Variants in TOM1L2 observed in about 807,000 individuals in gnomAD.
TOM1L2 encodes TOM1-like protein 2.
A neutral mutation model predicts 67.9 loss-of-function variants in TOM1L2; 31 were observed. The ratio of observed to expected loss-of-function variants is 0.46; its 90% CI spans 0.34 to 0.62. The LOEUF (loss-of-function observed/expected upper bound fraction) is 0.62. Among genes scored for constraint, TOM1L2 ranks in the 20% least tolerant of loss-of-function variants. The probability of loss-of-function intolerance (pLI) is 0.01; values close to 1 mark genes in which losing one functional copy is unlikely to be tolerated. For missense variants in TOM1L2, 606 were observed against 663.5 expected, an observed-to-expected ratio of 0.91 and a Z score of 0.95; for synonymous variants, 256 against 254.0, an observed-to-expected ratio of 1.01 and a Z score of -0.07.
intron 10 of TOM1L2, among the ~76,000 whole-genome samples, chr17:17,865,155 G>A (rs1457330423): frequency 2.0e-5 from 3 of 152,202 alleles, no homozygotes; most frequent in Non-Finnish European, 4.4e-5. Flanking sequence ...GTGGAAAGTG[G>A]TGAGTTTCTT....
intron 7 of TOM1L2, 88 bp downstream of exon 7, chr17:17,879,539 T>TGCC: frequency 9.5e-7 from 1 of 1,049,358 alleles, no homozygotes; most frequent in Admixed American, 1.7e-5. Flanking sequence ...TGTCCCGCCT[T>TGCC]GCCGCTGTGT....
At chr17:17,926,075 G>A (rs1441929730) in intron 1 of TOM1L2, among the ~76,000 whole-genome samples, 3 of 151,730 alleles carry the variant, frequency 2.0e-5, no homozygotes, top group Admixed American at 6.6e-5. Context: ...ACAGGCTGAG[G>A]TGAGAGGATC....
chr17:17,906,652 G>A (rs1271377578), intron 2 of TOM1L2, among the ~76,000 whole-genome samples: 1 of 152,204 alleles, frequency 6.6e-6, no homozygotes, highest in East Asian at 1.9e-4. Flanking sequence ...GCACAAGGTA[G>A]TCATTCGAGA....
At chr17:17,914,539 C>T (rs2039547763) in intron 1 of TOM1L2, among the ~76,000 whole-genome samples, 1 of 152,216 alleles carries the variant, frequency 6.6e-6, no homozygotes, top group African/African-American at 2.4e-5. Context: ...GCCTATCTGG[C>T]TCTTAACCAT....
At chr17:17,884,575 C>T (rs1415644428) in intron 5 of TOM1L2, 59 bp downstream of exon 5, 2 of 1,605,498 alleles carry the variant, frequency 1.2e-6, no homozygotes, top group Admixed American at 3.3e-5. Flanking sequence ...GTGGCTGCAG[C>T]AGCTTGGCTC....
chr17:17,936,627 C>T (rs939434349), intron 1 of TOM1L2, among the ~76,000 whole-genome samples: 1 of 151,952 alleles, frequency 6.6e-6, no homozygotes, highest in Non-Finnish European at 1.5e-5. Flanking sequence ...ACATGAAATG[C>T]AATGTATTCA....
chr17:17,940,150 G>A (rs563879896), intron 1 of TOM1L2, among the ~76,000 whole-genome samples: 4 of 134,956 alleles, frequency 3.0e-5, no homozygotes, highest in South Asian at 4.5e-4. Context: ...CTGAGATCAC[G>A]CCTCTGCATT....
At chr17:17,910,356 T>A (rs1236030747) in intron 1 of TOM1L2, among the ~76,000 whole-genome samples, 1 of 152,166 alleles carries the variant, frequency 6.6e-6, no homozygotes, top group African/African-American at 2.4e-5. Context: ...TTCCACTGGG[T>A]CCCCAGTGCC....
At chr17:17,935,235 G>A (rs1339955874) in intron 1 of TOM1L2, among the ~76,000 whole-genome samples, 1 of 152,252 alleles carries the variant, frequency 6.6e-6, no homozygotes, top group Non-Finnish European at 1.5e-5. Flanking sequence ...TGGGGAGGCA[G>A]CTGAACTGTG....
intron 1 of TOM1L2, among the ~76,000 whole-genome samples, chr17:17,954,640 G>C (rs1347739204): frequency 1.3e-5 from 2 of 152,152 alleles, no homozygotes; most frequent in Non-Finnish European, 2.9e-5. Context: ...TAAAGGAGAT[G>C]GGGAGTTCCA....
chr17:17,891,477 C>T (rs2144184805), intron 4 of TOM1L2, among the ~76,000 whole-genome samples: 1 of 152,278 alleles, frequency 6.6e-6, no homozygotes, highest in Non-Finnish European at 1.5e-5. Context: ...GTGTGGGCCA[C>T]AGCCAGTGAA....
At position 17,955,532 on chromosome 17, in the gene TOM1L2, G is replaced by C. The variant is rs2041401147; in HGVS notation, c.52+16730C>G. ...TTTTTTGTATTTTTAGCAGAGACAG[G>C]GTTTCACCATATTGGCCAGGACAGT... On this transcript the variant is annotated intron_variant, in intron 1 of 14. Transcript: ENST00000379504. Among the ~76,000 whole-genome samples, 3 of 151,968 alleles carry C rather than the reference G, an allele frequency of 2.0e-5. 1 individual carries two copies. The highest frequency in any genetic ancestry group is 4.1e-4 in the South Asian group (2 of 4,820).
chr17:17,919,880 TTC>T (rs935797325), intron 1 of TOM1L2, among the ~76,000 whole-genome samples: 5 of 152,072 alleles, frequency 3.3e-5, no homozygotes, highest in Non-Finnish European at 7.4e-5. Flanking sequence ...GCCAGGAAGG[TTC>T]TCTCTCTCTA....
intron 4 of TOM1L2, among the ~76,000 whole-genome samples, chr17:17,885,222 G>A (rs1159016738): frequency 2.0e-5 from 3 of 152,272 alleles, no homozygotes; most frequent in Non-Finnish European, 2.9e-5. Flanking sequence ...TTGGGAACCG[G>A]CAACAAATTG....
chr17:17,965,760 C>G (rs2041850964), intron 1 of TOM1L2, among the ~76,000 whole-genome samples: 1 of 152,188 alleles, frequency 6.6e-6, no homozygotes, highest in South Asian at 2.1e-4. Flanking sequence ...CGAATGACTG[C>G]AAGATGTATA....
In TOM1L2 at chr17:17,928,538, T is replaced by G. The variant is rs566619752; in HGVS notation, c.53-21007A>C. The stretch of plus-strand genomic sequence containing the variant: ...GAAGGCGACACCCTCCCTTTAACAC[T>G]CAGCTCGTTGCCTCCTCTCAGTGAG... On this transcript the variant is annotated intron_variant, in intron 1 of 14. Coordinates refer to ENST00000379504, the MANE Select transcript of TOM1L2 (RefSeq NM_001082968.2). 3.7e-4 allele frequency among the ~76,000 whole-genome samples: 57 copies of G among 152,260 alleles called. 1 individual carries two copies. The highest frequency in any genetic ancestry group is 1.3e-3 in the African/African-American group (55 of 41,554).
At chr17:17,962,785 C>G (rs889265086) in intron 1 of TOM1L2, among the ~76,000 whole-genome samples, 1 of 151,786 alleles carries the variant, frequency 6.6e-6, no homozygotes, top group Non-Finnish European at 1.5e-5. Context: ...ATGGTGAAAC[C>G]CTATCTCTAC....
chr17:17,864,034 T>C (rs567692188), intron 10 of TOM1L2, among the ~76,000 whole-genome samples: 2 of 150,886 alleles, frequency 1.3e-5, no homozygotes. Flanking sequence ...TCGCAGCTAA[T>C]TTTTTTGTAT....
chr17:17,907,636 T>A (rs113947566), intron 1 of TOM1L2, 105 bp from the exon 2 acceptor site: 7 of 966,524 alleles, frequency 7.2e-6, no homozygotes. Flanking sequence ...CCCAAGCAGA[T>A]GGGCTGAGCC....
Sources: gnomAD v4.1 joint callset for allele counts (sites outside exome capture counted in the v4.1 genomes callset) on GRCh38, gnomAD v4.1.1 for gene constraint, MANE v1.5 for transcripts, NCBI Gene and HGNC (gene_info 2026-07-23, HGNC 2026-07-21) for gene names.